Variants in STAG2 observed in about 807,000 individuals in gnomAD.
STAG2 encodes the protein STAG2 cohesin complex component.
In STAG2, 14 loss-of-function variants were observed where a neutral mutation model predicts 108.1. The observed-to-expected ratio is 0.13, with a 90% CI of 0.09 to 0.20. The LOEUF is 0.20. Among genes scored for constraint, STAG2 ranks in the 10% least tolerant of loss-of-function variants. The pLI, the probability that STAG2 is intolerant of heterozygous loss-of-function variation, is 1.00. For missense variants in STAG2, 440 were observed against 940.9 expected (o/e 0.47, Z 6.96); for synonymous variants, 307 against 302.7 (o/e 1.01, Z -0.15).
Position 124,065,862 on chromosome X carries a change from A to T in STAG2, c.2026-14A>T, listed in dbSNP as rs758411351. Reference sequence around the variant, plus strand: ...TCACTTTGATGGTTCTTAATGTATAATTAATATTTATAGGGTGAAGAACCT... The same window carrying T: ...TCACTTTGATGGTTCTTAATGTATATTTAATATTTATAGGGTGAAGAACCT... On this transcript the variant is annotated splice_polypyrimidine_tract_variant and intron_variant, in intron 20 of 34. Transcript: ENST00000371145. The T allele has an allele frequency of 5.3e-4, 584 of 1,110,369 alleles. 3 individuals carry two copies. In the South Asian group the frequency reaches 0.012, roughly 23 times the overall value. The allele number at this position is 1,110,369 out of a possible 1,213,427, so 91.5% of individuals were successfully genotyped here. A position where few individuals can be genotyped will look rare whatever the true frequency, so the allele number is the denominator to read the frequency against.
At chrX:124,027,252 C>CA (rs2057135782) in intron 4 of STAG2, among the ~76,000 whole-genome samples, 1 of 111,807 alleles carries the variant, frequency 8.9e-6, no homozygotes, top group Non-Finnish European at 1.9e-5. Context: ...GGCAAAACAT[C>CA]ACGTTTAATG....
intron 8 of STAG2, among the ~76,000 whole-genome samples, chrX:124,045,883 C>G (rs1279423867): frequency 9.0e-6 from 1 of 110,890 alleles, no homozygotes; most frequent in African/African-American, 3.3e-5. Context: ...GTTGCCTCTC[C>G]AGGTAGGATG....
chrX:123,993,141 G>A lies in STAG2; in HGVS notation c.-162-28226G>A, dbSNP rs1366891973. Among the ~76,000 whole-genome samples the A allele has an allele frequency of 3.6e-5, 4 of 111,003 alleles. No homozygotes were observed. The Admixed American group carries it at 3.9e-4, about 11-fold the overall frequency. ...TTTTGAGTTATTTAGACTAAAAACT[G>A]GGTGGCTTAGTGTTTCTGTAGAAGA... On this transcript the variant is annotated intron_variant, in intron 1 of 34. Coordinates refer to ENST00000371145, the MANE Select transcript of STAG2 (RefSeq NM_001042750.2).
intron 1 of STAG2, among the ~76,000 whole-genome samples, chrX:124,007,170 T>C (rs1258205916): frequency 1.0e-5 from 1 of 99,024 alleles, no homozygotes; most frequent in East Asian, 3.5e-4. Flanking sequence ...TTCCCCGCTT[T>C]CCTCCCTCTC....
At chrX:124,002,114 TACTG>T (rs966790331) in intron 1 of STAG2, among the ~76,000 whole-genome samples, 18 of 111,303 alleles carry the variant, frequency 1.6e-4, no homozygotes, top group African/African-American at 4.2e-4. Flanking sequence ...GGGATGCAGT[TACTG>T]AGGAGGGAGG....
At chrX:124,075,887 A>G (rs147490297) in intron 25 of STAG2, among the ~76,000 whole-genome samples, 3 of 111,589 alleles carry the variant, frequency 2.7e-5, no homozygotes, top group Non-Finnish European at 5.6e-5. Context: ...GTCTAGCTGA[A>G]TATATGTACA....
At chrX:124,033,359 T>C (rs1276371980) in intron 5 of STAG2, among the ~76,000 whole-genome samples, 1 of 112,466 alleles carries the variant, frequency 8.9e-6, no homozygotes, top group Non-Finnish European at 1.9e-5. Context: ...CTTCTTTTTT[T>C]TGTATTATAC....
chrX:123,978,123 G>A (rs2054711515), intron 1 of STAG2, among the ~76,000 whole-genome samples: 1 of 106,734 alleles, frequency 9.4e-6, no homozygotes, highest in Non-Finnish European at 1.9e-5. Context: ...GATTGCAGGC[G>A]TGAACCACCG....
chrX:124,070,898 A>T (rs190585634), intron 24 of STAG2, among the ~76,000 whole-genome samples: 1 of 111,181 alleles, frequency 9.0e-6, no homozygotes. Context: ...ATGTTGCTGA[A>T]AATTAAAAAA....
intron 1 of STAG2, among the ~76,000 whole-genome samples, chrX:123,978,550 A>AT (rs2054734423): frequency 9.0e-6 from 1 of 111,368 alleles, no homozygotes; most frequent in South Asian, 3.7e-4. Flanking sequence ...CCTTATAGGA[A>AT]TTTTAGGAGA....
At chrX:124,016,413 C>T (rs767956960) in intron 1 of STAG2, among the ~76,000 whole-genome samples, 2 of 111,922 alleles carry the variant, frequency 1.8e-5, no homozygotes, top group South Asian at 7.4e-4. Flanking sequence ...AATTACCCAC[C>T]TTGATTTGTT....
intron 23 of STAG2, among the ~76,000 whole-genome samples, chrX:124,068,185 A>C (rs5956608): frequency 0.23 from 26,089 of 111,240 alleles, 2,251 homozygotes; most frequent in South Asian, 0.39. Context: ...TTATTATTTT[A>C]TTCCATTTAT....
intron 3 of STAG2, 88 bp downstream of exon 3, chrX:124,022,759 C>A: frequency 1.7e-6 from 1 of 597,192 alleles, no homozygotes; most frequent in Non-Finnish European, 2.5e-6. Context: ...TTTCCTTCTG[C>A]TCGAGAAGAT....
At chrX:124,069,516 A>G (rs1475667538) in intron 24 of STAG2, among the ~76,000 whole-genome samples, 1 of 111,740 alleles carries the variant, frequency 8.9e-6, no homozygotes, top group East Asian at 2.8e-4. Context: ...TTTGTTTGGC[A>G]CTTGTCTTTA....
chrX:124,075,421 G>T (rs372474553), intron 25 of STAG2, among the ~76,000 whole-genome samples: 2 of 110,762 alleles, frequency 1.8e-5, no homozygotes, highest in African/African-American at 6.6e-5. Context: ...GTATAGGCGC[G>T]TGCTACCACA....
intron 33 of STAG2, 112 bp from the exon 34 acceptor site, chrX:124,095,260 C>T: frequency 1.7e-6 from 1 of 602,613 alleles, no homozygotes; most frequent in Admixed American, 2.9e-5. Flanking sequence ...AATATTGTGT[C>T]AGGTACACTT....
At chrX:123,996,174 G>A (rs2055728727) in intron 1 of STAG2, among the ~76,000 whole-genome samples, 1 of 112,093 alleles carries the variant, frequency 8.9e-6, no homozygotes, top group Admixed American at 9.5e-5. Context: ...TATCGCCTTT[G>A]GCCAATGCCT....
intron 1 of STAG2, among the ~76,000 whole-genome samples, chrX:123,997,932 C>T (rs748409287): frequency 2.7e-5 from 3 of 112,143 alleles, no homozygotes; most frequent in African/African-American, 9.7e-5. Context: ...TGAGCCACTG[C>T]GCCTGGTCCC....
intron 34 of STAG2, among the ~76,000 whole-genome samples, chrX:124,096,003 C>T (rs1306409720): frequency 1.8e-5 from 2 of 109,771 alleles, no homozygotes; most frequent in African/African-American, 3.3e-5. Context: ...GTCCCCTGTG[C>T]CATATTCTCC....
Sources: allele counts gnomAD v4.1 joint callset (sites outside exome capture counted in the v4.1 genomes callset), GRCh38; gene constraint gnomAD v4.1.1; transcripts MANE v1.5; gene names NCBI Gene and HGNC (gene_info 2026-07-23, HGNC 2026-07-21).